WBP1L: variants seen among roughly 807,000 people sequenced by gnomAD.
WBP1L encodes the protein WW domain binding protein 1 like.
In WBP1L, 17 loss-of-function variants were observed where a neutral mutation model predicts 33.7. The observed-to-expected ratio is 0.50, with a 90% CI of 0.34 to 0.76. The LOEUF is 0.76. WBP1L is among the 30% of genes least tolerant of loss of function. The pLI is 0.01. For synonymous variants in WBP1L, 173 were observed against 190.8 expected (o/e 0.91, Z 0.77); for missense variants, 389 against 469.4 (o/e 0.83, Z 1.58).
At position 102,812,832 on chromosome 10, in the gene WBP1L, C is replaced by T. The variant is rs1363951731; in HGVS notation, c.593C>T (p.Pro198Leu). 6 of 1,587,680 alleles carry T rather than the reference C, an allele frequency of 3.8e-6. No individual in the cohort carries two copies. The highest frequency in any genetic ancestry group is 5.1e-6 in the Non-Finnish European group (6 of 1,166,052). ...SSTRPPSIAD[P>L]DPSDLPVDRA... ...ACAAGACCCCCAAGCATCGCTGACC[C>T]TGATCCCTCTGACCTACCAGTTGAC... Residue 198 changes from proline to leucine, a missense_variant, in exon 4 of 4, where the codon CCT (proline) becomes CTT (leucine). Physicochemically the swap from Pro to Leu is moderately conservative, Grantham distance 98. Transcript: ENST00000448841.
rs565132391 is a variant in WBP1L at position 102,779,718 on chromosome 10, C to T, written c.91-18275C>T. On this transcript the variant is annotated intron_variant, in intron 1 of 3. Coordinates refer to ENST00000448841, the MANE Select transcript of WBP1L (RefSeq NM_001083913.2). Reference sequence around the variant, plus strand: ...CGGCCACACTTTGAGAGACTGTCCTCCAGAGCTGGGCGGCATGGAAATAAT... The same window carrying T: ...CGGCCACACTTTGAGAGACTGTCCTTCAGAGCTGGGCGGCATGGAAATAAT... 2.0e-4 allele frequency among the ~76,000 whole-genome samples: 31 copies of T among 152,290 alleles called. 1 individual carries two copies. Among genetic ancestry groups the T allele is most frequent in the Admixed American group, 1.6e-3 (25 of 15,302 alleles).
At chr10:102,769,360 CTT>C (rs35421138) in intron 1 of WBP1L, among the ~76,000 whole-genome samples, 13 of 117,982 alleles carry the variant, frequency 1.1e-4, no homozygotes, top group Non-Finnish European at 8.5e-5. Context: ...TTTTTTCTTT[CTT>C]TTTTTTTTTT....
intron 1 of WBP1L, among the ~76,000 whole-genome samples, chr10:102,761,347 T>C (rs4919672): frequency 0.72 from 109,633 of 151,712 alleles, 39,868 homozygotes; most frequent in East Asian, 0.9. Flanking sequence ...CCTGTGTTGA[T>C]CAGGCTGGTC....
At chr10:102,770,268 T>C (rs1308030600) in intron 1 of WBP1L, among the ~76,000 whole-genome samples, 1 of 152,214 alleles carries the variant, frequency 6.6e-6, no homozygotes. Context: ...GAGTTAGAAC[T>C]CTGAGGCATT....
intron 2 of WBP1L, among the ~76,000 whole-genome samples, chr10:102,807,036 C>A (rs766452758): frequency 6.6e-6 from 1 of 151,800 alleles, no homozygotes; most frequent in Non-Finnish European, 1.5e-5. Context: ...TTAACTCATT[C>A]TGACAAGAGA....
chr10:102,809,404 C>T (rs925671950), intron 2 of WBP1L, among the ~76,000 whole-genome samples: 1 of 151,904 alleles, frequency 6.6e-6, no homozygotes, highest in Non-Finnish European at 1.5e-5. Flanking sequence ...CAGAGTCTTG[C>T]TCTGTCGCCC....
chr10:102,779,315 C>T (rs994608487), intron 1 of WBP1L, among the ~76,000 whole-genome samples: 2 of 150,470 alleles, frequency 1.3e-5, no homozygotes, highest in Non-Finnish European at 3.0e-5. Context: ...AAAAATCATT[C>T]TTGTTGAGTC....
chr10:102,772,987 G>A (rs565718078), intron 1 of WBP1L, among the ~76,000 whole-genome samples: 4 of 150,584 alleles, frequency 2.7e-5, no homozygotes, highest in Non-Finnish European at 4.4e-5. Context: ...ATTGGCAGGC[G>A]GATGACTAAA....
intron 1 of WBP1L, among the ~76,000 whole-genome samples, chr10:102,759,397 ATGAT>A (rs1429188468): frequency 1.3e-5 from 2 of 152,200 alleles, no homozygotes; most frequent in Non-Finnish European, 2.9e-5. Context: ...GTTTATAATA[ATGAT>A]TGATAATTGT....
rs571944650 is a variant in WBP1L at position 102,758,152 on chromosome 10, T to G, written c.90+14009T>G. Reference sequence around the variant, plus strand: ...CACCCGCCTCGGCCTCCCAAAGTACTGGGATTACAGGCGTGAGCCACCATG... The same window carrying G: ...CACCCGCCTCGGCCTCCCAAAGTACGGGGATTACAGGCGTGAGCCACCATG... On this transcript the variant is annotated intron_variant, in intron 1 of 3. Transcript: ENST00000448841. Among the ~76,000 whole-genome samples, 7 of 152,150 alleles carry G rather than the reference T, an allele frequency of 4.6e-5. No homozygotes were observed. The South Asian group carries it at 1.5e-3, about 32-fold the overall frequency.
At chr10:102,762,209 A>G (rs186422511) in intron 1 of WBP1L, among the ~76,000 whole-genome samples, 1 of 152,284 alleles carries the variant, frequency 6.6e-6, no homozygotes, top group African/African-American at 2.4e-5. Flanking sequence ...AAAATGAAGA[A>G]GTAAAAATAA....
rs111654669 is a variant in WBP1L at position 102,761,121 on chromosome 10, G to GTTT, written c.90+16993_90+16995dup. On this transcript the variant is annotated intron_variant, in intron 1 of 3. Coordinates refer to ENST00000448841, the MANE Select transcript of WBP1L (RefSeq NM_001083913.2). ...AGGGTTTCACCATGTTGGCCAGGCT[G>GTTT]TTTTTTTTTTTTTTTTTCTTTTCTT... 2.9e-3 allele frequency among the ~76,000 whole-genome samples: 384 copies of GTTT among 134,080 alleles called. 1 individual carries two copies. Among genetic ancestry groups the GTTT allele is most frequent in the African/African-American group, 9.5e-3 (344 of 36,310 alleles). 88.0% of individuals were successfully genotyped at this position (134,080 alleles called of 152,430 possible). A position where few individuals can be genotyped will look rare whatever the true frequency, so the allele number is the denominator to read the frequency against.
At chr10:102,798,689 C>G (rs1306219907) in intron 2 of WBP1L, among the ~76,000 whole-genome samples, 1 of 152,192 alleles carries the variant, frequency 6.6e-6, no homozygotes, top group East Asian at 1.9e-4. Flanking sequence ...TCCCAAAGTG[C>G]TGGGATTAGA....
intron 1 of WBP1L, among the ~76,000 whole-genome samples, chr10:102,784,242 C>T (rs1441907564): frequency 2.6e-5 from 4 of 152,062 alleles, no homozygotes; most frequent in South Asian, 2.1e-4. Context: ...AAAAAGCAGG[C>T]ATAGTTATTT....
At chr10:102,772,410 GT>G (rs1054188398) in intron 1 of WBP1L, among the ~76,000 whole-genome samples, 24 of 151,312 alleles carry the variant, frequency 1.6e-4, no homozygotes, top group African/African-American at 5.6e-4. Flanking sequence ...ACAGGTATGT[GT>G]CACCATGCTT....
At position 102,744,043 on chromosome 10, in the gene WBP1L, G is replaced by C; in HGVS notation, c.-11G>C. ...GCGGCGCCGTGGCGGAGGAGCAGGA[G>C]CAGGAGGGGGATGGAGAGGAGAAGG... On this transcript the variant is annotated 5_prime_UTR_variant, in exon 1 of 4. Coordinates refer to ENST00000448841, the MANE Select transcript of WBP1L (RefSeq NM_001083913.2). The C allele has an allele frequency of 6.5e-7, 1 of 1,546,140 alleles. No individual in the cohort carries two copies. Among genetic ancestry groups the C allele is most frequent in the Non-Finnish European group, 8.7e-7 (1 of 1,143,566 alleles).
chr10:102,755,013 G>A (rs188908928), intron 1 of WBP1L, among the ~76,000 whole-genome samples: 2,544 of 149,912 alleles, frequency 0.017, 39 homozygotes, highest in Middle Eastern at 0.042. Flanking sequence ...GCATTGGCAC[G>A]ACCTTGGCTC....
chr10:102,787,055 C>G (rs552524926), intron 1 of WBP1L, among the ~76,000 whole-genome samples: 99 of 152,272 alleles, frequency 6.5e-4, no homozygotes, highest in African/African-American at 2.1e-3. Flanking sequence ...CCCATGTAGC[C>G]CAGGCTATTT....
intron 3 of WBP1L, among the ~76,000 whole-genome samples, chr10:102,810,904 C>T (rs1843831995): frequency 6.7e-6 from 1 of 148,186 alleles, no homozygotes; most frequent in Non-Finnish European, 1.5e-5. Flanking sequence ...TCCCTCCCCT[C>T]CCCTCCCCTT....
Sources: allele counts gnomAD v4.1 joint callset (sites outside exome capture counted in the v4.1 genomes callset), GRCh38; gene constraint gnomAD v4.1.1; transcripts MANE v1.5; gene names NCBI Gene and HGNC (gene_info 2026-07-23, HGNC 2026-07-21).